LRRC7: variants seen among roughly 807,000 people sequenced by gnomAD.
The protein encoded by LRRC7 is leucine-rich repeat-containing protein 7.
In LRRC7, 23 loss-of-function variants were observed where a neutral mutation model predicts 175.7. That is an observed-to-expected ratio of 0.13 (90% CI 0.09 to 0.19). The LOEUF (loss-of-function observed/expected upper bound fraction) is 0.19. LRRC7 is among the 10% of genes least tolerant of loss of function. The pLI is 1.00. For missense variants in LRRC7, 1,354 were observed against 1,904.7 expected (o/e 0.71, Z 5.38); for synonymous variants, 685 against 680.9 (o/e 1.01, Z -0.09).
chr1:69,705,646 G>C (rs1663941256), intron 2 of LRRC7, among the ~76,000 whole-genome samples: 1 of 152,078 alleles, frequency 6.6e-6, no homozygotes. Flanking sequence ...GGTAAAACTA[G>C]CTCTAGAGTC....
intron 8 of LRRC7, among the ~76,000 whole-genome samples, chr1:69,934,083 A>T (rs187196361): frequency 6.6e-6 from 1 of 152,278 alleles, no homozygotes; most frequent in Non-Finnish European, 1.5e-5. Context: ...CTGTTGTTGT[A>T]ACAGTAACAA....
chr1:69,981,345 A>T (rs1032948564), intron 9 of LRRC7, among the ~76,000 whole-genome samples: 6 of 152,230 alleles, frequency 3.9e-5, no homozygotes, highest in Non-Finnish European at 8.8e-5. Context: ...ACCAACAAGA[A>T]CAAGACATTT....
At chr1:70,043,926 C>G (rs1558021062) in intron 21 of LRRC7, 28 bp from the exon 22 acceptor site, 2 of 1,585,270 alleles carry the variant, frequency 1.3e-6, no homozygotes, top group Non-Finnish European at 1.7e-6. Context: ...TGTTCACACC[C>G]TGTCACATGA....
chr1:70,027,053 C>T (rs1357032553), intron 17 of LRRC7, among the ~76,000 whole-genome samples: 1 of 151,830 alleles, frequency 6.6e-6, no homozygotes, highest in Non-Finnish European at 1.5e-5. Flanking sequence ...CTCCCTTTTC[C>T]GATCTTCCTC....
chr1:70,019,353 T>G (rs769305153), intron 15 of LRRC7, among the ~76,000 whole-genome samples: 1 of 152,054 alleles, frequency 6.6e-6, no homozygotes, highest in Non-Finnish European at 1.5e-5. Context: ...AAATCCTTTT[T>G]CAATAATTAA....
At chr1:69,990,338 G>A (rs1654318345) in intron 10 of LRRC7, among the ~76,000 whole-genome samples, 1 of 151,712 alleles carries the variant, frequency 6.6e-6, no homozygotes, top group African/African-American at 2.4e-5. Context: ...GTAGAGAGAA[G>A]GAATAGGATA....
At chr1:69,582,772 C>T (rs1168748456) in intron 1 of LRRC7, among the ~76,000 whole-genome samples, 1 of 152,142 alleles carries the variant, frequency 6.6e-6, no homozygotes, top group Non-Finnish European at 1.5e-5. Flanking sequence ...AATGGATATC[C>T]ACCAACTGTT....
At chr1:70,068,571 C>T (rs191921667) in intron 23 of LRRC7, among the ~76,000 whole-genome samples, 2 of 151,670 alleles carry the variant, frequency 1.3e-5, no homozygotes, top group Non-Finnish European at 2.9e-5. Flanking sequence ...TTTTTTCTTC[C>T]CTACTTCCTT....
intron 7 of LRRC7, among the ~76,000 whole-genome samples, chr1:69,881,839 C>A (rs1228364816): frequency 6.7e-6 from 1 of 150,264 alleles, no homozygotes; most frequent in Non-Finnish European, 1.5e-5. Flanking sequence ...ATGACTGCAC[C>A]ACTGCACTCC....
intron 23 of LRRC7, among the ~76,000 whole-genome samples, chr1:70,055,484 T>A (rs992299509): frequency 3.9e-5 from 6 of 152,178 alleles, no homozygotes; most frequent in Admixed American, 1.3e-4. Context: ...GGTGGAAAGA[T>A]ATGCTGTATT....
Position 70,036,102 on chromosome 1 carries a change from GTAT to G in LRRC7, c.1996-12_1996-10del, listed in dbSNP as rs1461284800. On this transcript the variant is annotated splice_polypyrimidine_tract_variant and intron_variant, in intron 18 of 26. Coordinates refer to ENST00000651989, the MANE Select transcript of LRRC7 (RefSeq NM_001370785.2). ...TTTAAATGTTTACTTTCCTTGTCCT[GTAT>G]TATTATATCTCTCAGGATTCTTTTG... 6.3e-6 allele frequency: 10 copies of G among 1,576,202 alleles called. No homozygotes were observed. Among genetic ancestry groups the G allele is most frequent in the Non-Finnish European group, 7.8e-6 (9 of 1,154,522 alleles).
Position 70,053,745 on chromosome 1 carries a change from G to T in LRRC7, c.4230+600G>T, listed in dbSNP as rs561748581. 4.6e-5 allele frequency among the ~76,000 whole-genome samples: 7 copies of T among 152,210 alleles called. No homozygotes were observed. In the South Asian group the frequency reaches 1.5e-3, roughly 32 times the overall value. On this transcript the variant is annotated intron_variant, in intron 23 of 26. Coordinates refer to ENST00000651989, the MANE Select transcript of LRRC7 (RefSeq NM_001370785.2). ...AGCCACAACTTGGGATAAGATACTTGCCACATATATGAGAGAAGGGAGAAT... is the reference window on the plus strand; with the variant it reads ...AGCCACAACTTGGGATAAGATACTTTCCACATATATGAGAGAAGGGAGAAT...
At chr1:69,811,937 A>G (rs956819160) in intron 4 of LRRC7, among the ~76,000 whole-genome samples, 1 of 152,140 alleles carries the variant, frequency 6.6e-6, no homozygotes, top group Non-Finnish European at 1.5e-5. Context: ...TTTTAAAAAA[A>G]GAGTACAAAG....
At chr1:69,698,004 C>T (rs1662835201) in intron 2 of LRRC7, among the ~76,000 whole-genome samples, 2 of 152,148 alleles carry the variant, frequency 1.3e-5, no homozygotes, top group South Asian at 4.1e-4. Flanking sequence ...CATCTTCAGA[C>T]CCTGCCAATC....
In LRRC7 at chr1:69,713,012, C is replaced by T. The variant is rs530544579; in HGVS notation, c.100+34534C>T. Among the ~76,000 whole-genome samples, 39 of 152,134 alleles carry T rather than the reference C, an allele frequency of 2.6e-4. 1 individual carries two copies. The South Asian group carries it at 7.7e-3, about 30-fold the overall frequency. ...GAATCTCCCTGAACGTGGAGGGGCA[C>T]GTTTTGTTTTCAACAAAATGACAAG... On this transcript the variant is annotated intron_variant, in intron 2 of 26. Coordinates refer to ENST00000651989, the MANE Select transcript of LRRC7 (RefSeq NM_001370785.2).
intron 1 of LRRC7, among the ~76,000 whole-genome samples, chr1:69,576,705 A>G (rs1163263437): frequency 1.3e-5 from 2 of 152,222 alleles, no homozygotes; most frequent in East Asian, 3.9e-4. Flanking sequence ...TCAGCACATT[A>G]GCTATGCTTT....
intron 7 of LRRC7, among the ~76,000 whole-genome samples, chr1:69,896,140 G>A (rs888522937): frequency 2.1e-4 from 32 of 151,884 alleles, no homozygotes; most frequent in African/African-American, 4.8e-4. Flanking sequence ...TGGTAATAGC[G>A]TGCTTCTTTT....
Position 70,134,768 on chromosome 1 carries a change from C to T in LRRC7, c.*12881C>T, listed in dbSNP as rs1327500947. ...CTCAAGCCTGCCAATTTTAGTGCACCATTTTGGGTTTGTTTACCAAGTGTT... is the reference window on the plus strand; with the variant it reads ...CTCAAGCCTGCCAATTTTAGTGCACTATTTTGGGTTTGTTTACCAAGTGTT... On this transcript the variant is annotated 3_prime_UTR_variant, in exon 27 of 27. Coordinates refer to ENST00000651989, the MANE Select transcript of LRRC7 (RefSeq NM_001370785.2). Among the ~76,000 whole-genome samples, 3 of 152,104 alleles carry T rather than the reference C, an allele frequency of 2.0e-5. No individual in the cohort carries two copies. Among genetic ancestry groups the T allele is most frequent in the African/African-American group, 7.2e-5 (3 of 41,422 alleles).
intron 7 of LRRC7, among the ~76,000 whole-genome samples, chr1:69,840,437 G>A (rs72675096): frequency 0.012 from 1,840 of 152,116 alleles, 21 homozygotes; most frequent in Middle Eastern, 0.12. Context: ...ATTCTGAGAA[G>A]AGATAACTCA....
Sources: allele counts gnomAD v4.1 joint callset (sites outside exome capture counted in the v4.1 genomes callset), GRCh38; gene constraint gnomAD v4.1.1; transcripts MANE v1.5; gene names NCBI Gene and HGNC (gene_info 2026-07-23, HGNC 2026-07-21).